The following CDYL2 variants were observed in gnomAD, a reference collection of about 807,000 sequenced individuals.
CDYL2 encodes chromodomain Y-like protein 2.
CDYL2 carries 23 observed loss-of-function variants against 49.4 expected under a neutral mutation model. That is an observed-to-expected ratio of 0.47 (90% CI 0.34 to 0.66). The LOEUF (loss-of-function observed/expected upper bound fraction) is 0.66. CDYL2 is among the 30% of genes least tolerant of loss of function. The pLI, the probability that CDYL2 is intolerant of heterozygous loss-of-function variation, is 0.01. For synonymous variants in CDYL2, 360 were observed against 268.8 expected, an observed-to-expected ratio of 1.34 and a Z score of -3.32; for missense variants, 678 against 656.4, an observed-to-expected ratio of 1.03 and a Z score of -0.36.
chr16:80,757,538 CA>C (rs35826810), intron 1 of CDYL2, among the ~76,000 whole-genome samples: 18,520 of 98,082 alleles, frequency 0.19, 2,369 homozygotes, highest in African/African-American at 0.38. Context: ...GACTCTGTCT[CA>C]AAAAAAAAAA....
chr16:80,626,102 C>G (rs139903190), intron 3 of CDYL2, among the ~76,000 whole-genome samples: 1 of 149,252 alleles, frequency 6.7e-6, no homozygotes, highest in Non-Finnish European at 1.5e-5. Flanking sequence ...CCAGCCTGGG[C>G]AACATGATGA....
chr16:80,726,296 T>G (rs1303184685), intron 1 of CDYL2, among the ~76,000 whole-genome samples: 1 of 152,240 alleles, frequency 6.6e-6, no homozygotes, highest in Non-Finnish European at 1.5e-5. Flanking sequence ...GCATTTGTTT[T>G]TAAAACCAAC....
intron 1 of CDYL2, among the ~76,000 whole-genome samples, chr16:80,735,775 C>G (rs1375835843): frequency 6.6e-6 from 1 of 152,216 alleles, no homozygotes; most frequent in African/African-American, 2.4e-5. Context: ...TCAGACCACC[C>G]CTTCCATTTG....
chr16:80,709,488 C>T (rs932403539), intron 1 of CDYL2, among the ~76,000 whole-genome samples: 1 of 151,726 alleles, frequency 6.6e-6, no homozygotes, highest in South Asian at 2.1e-4. Context: ...ACAATTTCGT[C>T]CATGAGAAGC....
chr16:80,715,339 G>A (rs904837501), intron 1 of CDYL2, among the ~76,000 whole-genome samples: 5 of 152,146 alleles, frequency 3.3e-5, no homozygotes, highest in African/African-American at 9.7e-5. Context: ...ATGATTGAGG[G>A]CTCTGGAAGA....
At chr16:80,631,935 T>C (rs1907582386) in intron 3 of CDYL2, among the ~76,000 whole-genome samples, 1 of 152,210 alleles carries the variant, frequency 6.6e-6, no homozygotes, top group Non-Finnish European at 1.5e-5. Flanking sequence ...CACATACTAC[T>C]GGTCAGAACG....
At chr16:80,695,279 T>C (rs765951008) in intron 1 of CDYL2, among the ~76,000 whole-genome samples, 15 of 152,274 alleles carry the variant, frequency 9.9e-5, no homozygotes, top group Middle Eastern at 3.4e-3. Context: ...AAGAAAAAGT[T>C]TGCCAACACT....
chr16:80,785,601 G>A (rs1159428556), intron 1 of CDYL2, among the ~76,000 whole-genome samples: 1 of 151,998 alleles, frequency 6.6e-6, no homozygotes, highest in Non-Finnish European at 1.5e-5. Context: ...TCAAAGAACT[G>A]GAAAAAACTA....
chr16:80,601,800 T>TAA lies in CDYL2; in HGVS notation c.*2587_*2588insTT, dbSNP rs1407430597. The TAA allele has an allele frequency of 6.6e-6, 1 of 152,188 alleles. No homozygotes were observed. The highest frequency in any genetic ancestry group is 2.4e-5 in the African/African-American group (1 of 41,456). The allele number at this position is 152,188 out of a possible 1,614,324, so 9.4% of individuals were successfully genotyped here. On this transcript the variant is annotated 3_prime_UTR_variant, in exon 7 of 7. Coordinates refer to ENST00000570137, the MANE Select transcript of CDYL2 (RefSeq NM_152342.4). ...AAATACAGACTTTCACCACCCCCGT[T>TAA]ACACCCAGGACCTGTGACTTAACAG...
intron 1 of CDYL2, among the ~76,000 whole-genome samples, chr16:80,728,353 G>C (rs1353908678): frequency 6.6e-6 from 1 of 152,116 alleles, no homozygotes; most frequent in Non-Finnish European, 1.5e-5. Flanking sequence ...ATCAGTGATG[G>C]AAGATGAAAT....
chr16:80,790,193 CACAGCAATTCATTAAGTCAAT>C (rs2142414305), intron 1 of CDYL2, among the ~76,000 whole-genome samples: 1 of 152,304 alleles, frequency 6.6e-6, no homozygotes, highest in South Asian at 2.1e-4. Context: ...CAAGAGATTA[CACAGCAATTCATTAAGTCAAT>C]AACCTAACAG....
At chr16:80,713,697 G>A (rs1445168442) in intron 1 of CDYL2, among the ~76,000 whole-genome samples, 1 of 152,108 alleles carries the variant, frequency 6.6e-6, no homozygotes, top group Non-Finnish European at 1.5e-5. Flanking sequence ...CCCTCCCCTT[G>A]AACTGGGTGT....
At chr16:80,662,901 T>C (rs757701009) in intron 2 of CDYL2, among the ~76,000 whole-genome samples, 2 of 152,088 alleles carry the variant, frequency 1.3e-5, no homozygotes, top group Non-Finnish European at 2.9e-5. Context: ...CTGTTTTAGT[T>C]ATTCATATAC....
At chr16:80,771,509 G>C (rs527624032) in intron 1 of CDYL2, among the ~76,000 whole-genome samples, 15 of 152,328 alleles carry the variant, frequency 9.8e-5, no homozygotes, top group African/African-American at 3.4e-4. Context: ...TTTGAGACCA[G>C]CCTGGCCAAC....
At chr16:80,719,251 C>G (rs1172598857) in intron 1 of CDYL2, among the ~76,000 whole-genome samples, 1 of 152,090 alleles carries the variant, frequency 6.6e-6, no homozygotes, top group East Asian at 1.9e-4. Context: ...ACCTGTAAAA[C>G]TGAAGATTCC....
intron 3 of CDYL2, among the ~76,000 whole-genome samples, chr16:80,622,082 AGC>A (rs1907107764): frequency 6.6e-6 from 1 of 152,172 alleles, no homozygotes; most frequent in Admixed American, 6.5e-5. Context: ...GGTGGATTTG[AGC>A]CCTGGCCTGG....
chr16:80,655,703 C>T (rs1426935446), intron 2 of CDYL2, among the ~76,000 whole-genome samples: 1 of 152,192 alleles, frequency 6.6e-6, no homozygotes, highest in Non-Finnish European at 1.5e-5. Flanking sequence ...TGCAACACCT[C>T]TGAGCCAAGC....
chr16:80,611,503 A>T (rs770060771), intron 5 of CDYL2, among the ~76,000 whole-genome samples: 7 of 152,174 alleles, frequency 4.6e-5, no homozygotes, highest in Admixed American at 2.0e-4. Flanking sequence ...TGGTGCCTCC[A>T]ACGCCTACTC....
At chr16:80,664,787 G>A (rs1348990389) in intron 2 of CDYL2, among the ~76,000 whole-genome samples, 1 of 152,012 alleles carries the variant, frequency 6.6e-6, no homozygotes, top group African/African-American at 2.4e-5. Flanking sequence ...TAGACTGTAG[G>A]CAAGCTATTT....
Sources: allele counts gnomAD v4.1 joint callset (sites outside exome capture counted in the v4.1 genomes callset), GRCh38; gene constraint gnomAD v4.1.1; transcripts MANE v1.5; gene names NCBI Gene and HGNC (gene_info 2026-07-23, HGNC 2026-07-21).